The following ZNF536 variants were observed in gnomAD, a reference collection of about 807,000 sequenced individuals.
ZNF536 encodes the protein zinc finger protein 536.
ZNF536 carries 13 observed loss-of-function variants against 84.5 expected under a neutral mutation model. That is an observed-to-expected ratio of 0.15 (90% CI 0.10 to 0.24). The LOEUF (loss-of-function observed/expected upper bound fraction) is 0.24, where lower values mean the gene tolerates loss of function less well. Among genes scored for constraint, ZNF536 ranks in the 10% least tolerant of loss-of-function variants. The pLI is 1.00. For synonymous variants in ZNF536, 811 were observed against 742.5 expected (o/e 1.09, Z -1.50); for missense variants, 1,536 against 1,747.5 (o/e 0.88, Z 2.16).
At chr19:30,284,216 T>A (rs1436564804) in intron 2 of ZNF536, 1 of 152,324 alleles carries the variant, frequency 6.6e-6, no homozygotes, top group African/African-American at 2.4e-5. Context: ...CTGCCTTCTC[T>A]GGGCTGCTGA....
chr19:30,420,848 T>C (rs1439148950), intron 1 of ZNF536, among the ~76,000 whole-genome samples: 1 of 152,200 alleles, frequency 6.6e-6, no homozygotes, highest in Non-Finnish European at 1.5e-5. Flanking sequence ...GTCTTTATCT[T>C]CAGAGGAAAA....
At chr19:30,475,153 T>C (rs1032131991) in intron 2 of ZNF536, among the ~76,000 whole-genome samples, 5 of 152,212 alleles carry the variant, frequency 3.3e-5, no homozygotes, top group African/African-American at 1.2e-4. Flanking sequence ...CAATCTCAGC[T>C]CACTGCAACC....
intron 1 of ZNF536, among the ~76,000 whole-genome samples, chr19:30,411,414 A>T (rs980965809): frequency 2.6e-5 from 4 of 152,184 alleles, no homozygotes; most frequent in African/African-American, 9.6e-5. Flanking sequence ...TTATTTATAC[A>T]ACTTTATATG....
intron 1 of ZNF536, among the ~76,000 whole-genome samples, chr19:30,706,290 C>T (rs2052223647): frequency 6.6e-6 from 1 of 152,148 alleles, no homozygotes; most frequent in Non-Finnish European, 1.5e-5. Context: ...TGAGACCATC[C>T]TGGCTAACAC....
At chr19:30,644,670 TC>T (rs1233157091) in intron 1 of ZNF536, among the ~76,000 whole-genome samples, 2 of 152,340 alleles carry the variant, frequency 1.3e-5, no homozygotes, top group African/African-American at 4.8e-5. Context: ...TCCAGCTTCA[TC>T]CATGTCCCTA....
intron 1 of ZNF536, among the ~76,000 whole-genome samples, chr19:30,262,695 G>T (rs1360788422): frequency 2.0e-5 from 3 of 152,286 alleles, no homozygotes; most frequent in Middle Eastern, 3.4e-3. Flanking sequence ...CTGGTGGAAA[G>T]TGAGGGGCAA....
intron 1 of ZNF536, among the ~76,000 whole-genome samples, chr19:30,236,536 G>GGGC (rs372783568): frequency 3.3e-5 from 5 of 149,786 alleles, no homozygotes; most frequent in African/African-American, 1.3e-4. Context: ...GGGCGGGGGG[G>GGGC]GGGTACAATT....
chr19:30,599,499 C>T (rs959536964), intron 1 of ZNF536, among the ~76,000 whole-genome samples: 11 of 132,878 alleles, frequency 8.3e-5, no homozygotes, highest in Non-Finnish European at 1.6e-4. Flanking sequence ...TCCTTCCTTC[C>T]CTCCTTCCTT....
chr19:30,468,213 C>T (rs1251562711), intron 2 of ZNF536, among the ~76,000 whole-genome samples: 2 of 152,238 alleles, frequency 1.3e-5, no homozygotes, highest in Non-Finnish European at 2.9e-5. Flanking sequence ...AACAGAATCT[C>T]TGTCTCACTC....
In ZNF536 at chr19:30,630,301, C is replaced by T. The variant is rs531520102; in HGVS notation, c.170-80456C>T. On this transcript the variant is annotated intron_variant, in intron 1 of 1. Transcript: ENST00000592773. ...TATTAGGTTGGTGCAAAAGTAATTG[C>T]GGGTGATTGCAAAAGTAATTGCACC... 2.4e-3 allele frequency among the ~76,000 whole-genome samples: 360 copies of T among 152,198 alleles called. 3 individuals are homozygous for T. Among genetic ancestry groups the T allele is most frequent in the Non-Finnish European group, 3.3e-3 (224 of 68,018 alleles).
intron 2 of ZNF536, among the ~76,000 whole-genome samples, chr19:30,522,636 A>C (rs1474670947): frequency 6.6e-6 from 1 of 152,238 alleles, no homozygotes; most frequent in East Asian, 1.9e-4. Flanking sequence ...TGCTTTTCAG[A>C]TGCAAAAACG....
rs932361392 is a variant in ZNF536, at chr19:30,557,884, G to C, written c.*720G>C. 1.3e-5 allele frequency: 2 copies of C among 152,522 alleles called. No homozygotes were observed. The highest frequency in any genetic ancestry group is 2.4e-5 in the African/African-American group (1 of 41,410). 9.4% of individuals were successfully genotyped at this position (152,522 alleles called of 1,614,324 possible). A position where few individuals can be genotyped will look rare whatever the true frequency, so the allele number is the denominator to read the frequency against. On this transcript the variant is annotated 3_prime_UTR_variant, in exon 5 of 5. Coordinates refer to ENST00000355537, the MANE Select transcript of ZNF536 (RefSeq NM_014717.3). ...TATTAAGGTGTTCCTGGTAATGAAG[G>C]CATGTAAGTTATAATAATTGTAGCT...
chr19:30,473,278 G>A (rs1016465243), intron 2 of ZNF536, among the ~76,000 whole-genome samples: 20 of 151,864 alleles, frequency 1.3e-4, no homozygotes, highest in Admixed American at 1.2e-3. Flanking sequence ...AGATTAGGGG[G>A]AGCTGGCCAA....
intron 2 of ZNF536, among the ~76,000 whole-genome samples, chr19:30,481,662 TGA>T (rs2054093162): frequency 6.6e-6 from 1 of 152,232 alleles, no homozygotes; most frequent in Non-Finnish European, 1.5e-5. Flanking sequence ...AAAATTTTGT[TGA>T]TTGATTTATT....
In ZNF536 at chr19:30,557,281, TGTTGA is replaced by T; in HGVS notation, c.*118_*122del. On this transcript the variant is annotated 3_prime_UTR_variant, in exon 5 of 5. Transcript: ENST00000355537. The stretch of plus-strand genomic sequence containing the variant: ...AGAGAAGAATGTATACACATATGTG[TGTTGA>T]ATAATTACTATTGGCATAGGTATGT... 3 of 1,163,804 alleles carry T rather than the reference TGTTGA, an allele frequency of 2.6e-6. No homozygotes were observed. The highest frequency in any genetic ancestry group is 3.8e-6 in the Non-Finnish European group (3 of 782,036). 72.1% of individuals were successfully genotyped at this position (1,163,804 alleles called of 1,614,324 possible).
chr19:30,656,811 T>C (rs1256468337), intron 1 of ZNF536, among the ~76,000 whole-genome samples: 1 of 152,192 alleles, frequency 6.6e-6, no homozygotes, highest in African/African-American at 2.4e-5. Flanking sequence ...GAGGGCCTCA[T>C]TCTGATGTTT....
At chr19:30,540,422 C>G (rs2045283662) in intron 3 of ZNF536, among the ~76,000 whole-genome samples, 1 of 152,168 alleles carries the variant, frequency 6.6e-6, no homozygotes, top group African/African-American at 2.4e-5. Flanking sequence ...GAACTCAGCC[C>G]GCAGGGATGG....
At chr19:30,314,002 C>T (rs935532877) in intron 2 of ZNF536, among the ~76,000 whole-genome samples, 11 of 152,356 alleles carry the variant, frequency 7.2e-5, no homozygotes, top group South Asian at 4.1e-4. Flanking sequence ...ACTACTCCAA[C>T]GCTCCTTTGG....
chr19:30,539,676 C>T (rs1157105717), intron 3 of ZNF536, among the ~76,000 whole-genome samples: 1 of 152,214 alleles, frequency 6.6e-6, no homozygotes, highest in Non-Finnish European at 1.5e-5. Flanking sequence ...TGTCCCCTCC[C>T]TGTGCACTAC....
Sources: allele counts gnomAD v4.1 joint callset (sites outside exome capture counted in the v4.1 genomes callset), GRCh38; gene constraint gnomAD v4.1.1; transcripts MANE v1.5; gene names NCBI Gene and HGNC (gene_info 2026-07-23, HGNC 2026-07-21).